XIRP1: variants seen among roughly 807,000 people sequenced by gnomAD.
XIRP1 encodes xin actin binding repeat containing 1, also known as xin actin-binding repeat-containing protein 1.
For synonymous variants in XIRP1, 984 were observed against 947.0 expected (o/e 1.04, Z -0.72); for missense variants, 2,378 against 2,345.4 (o/e 1.01, Z -0.29).
Position 39,184,161 on chromosome 3 carries a change from T to C in XIRP1, c.5285A>G (p.Tyr1762Cys), listed in dbSNP as rs753076475. Residue 1762 changes from tyrosine (Y) to cysteine (C), a missense_variant, in exon 2 of 2, where the codon TAT becomes TGT. By Grantham distance (194) the Tyr-to-Cys change is radical (BLOSUM62 -2). Coordinates refer to ENST00000340369, the MANE Select transcript of XIRP1 (RefSeq NM_194293.4). ...TTCAGTCACGGTTCTCATGGCTCCATAGTGTTGTGAGCTCCCTGGCCCCGT... is the reference window on the plus strand; with the variant it reads ...TTCAGTCACGGTTCTCATGGCTCCACAGTGTTGTGAGCTCCCTGGCCCCGT... Reference protein sequence around the residue: ...LQTGPGSSQHYGAMRTVTEQY... With the variant: ...LQTGPGSSQHCGAMRTVTEQY... 3 of 1,613,942 alleles carry C rather than the reference T, an allele frequency of 1.9e-6. No individual in the cohort carries two copies.
In XIRP1 at chr3:39,187,146, T is replaced by C; in HGVS notation, c.2300A>G (p.Gln767Arg). The C allele has an allele frequency of 1.2e-6, 2 of 1,611,142 alleles. No homozygotes were observed. Among genetic ancestry groups the C allele is most frequent in the Non-Finnish European group, 1.7e-6 (2 of 1,177,556 alleles). The change falls in exon 2 of 2, where the codon CAG becomes CGG. Residue 767 changes from glutamine (Q) to arginine (R), a missense_variant. Physicochemically the swap from Gln to Arg is conservative, Grantham distance 43. Coordinates refer to ENST00000340369, the MANE Select transcript of XIRP1 (RefSeq NM_194293.4). ...CAGGGTCCCCTCAGCTGCAGTCTCC[T>C]GGCTCTCTTGCATCCTGTTGCCTGA... ...SPSGNRMQES[Q>R]ETAAEGTLRT...
rs753548299 is a variant in XIRP1, at chr3:39,184,604, C to T, written c.4842G>A (p.Lys1614=). 23 of 1,613,624 alleles carry T rather than the reference C, an allele frequency of 1.4e-5. No homozygotes were observed. In the South Asian group the frequency reaches 1.8e-4, roughly 12 times the overall value. ...GGQTAVKNQA[K]VECHTEAQSQ... ...TCTGGGCCTCAGTGTGGCATTCAAC[C>T]TTGGCTTGGTTCTTGACTGCAGTTT... Residue 1614 remains lysine, a synonymous_variant, in exon 2 of 2, where the codon AAG becomes AAA. Transcript: ENST00000340369.
At position 39,186,501 on chromosome 3, in the gene XIRP1, A is replaced by G. The variant is rs1427924124; in HGVS notation, c.2945T>C (p.Met982Thr). Residue 982 changes from methionine (M) to threonine (T), a missense_variant, in exon 2 of 2, where the codon ATG (methionine) becomes ACG (threonine). By Grantham distance (81) the Met-to-Thr change is moderately conservative (BLOSUM62 -1). Transcript: ENST00000340369. ...GGCCCCTGAGGCTCTCAGATGCCCCATCCCCATGCTGGGGTCCAGTGGGGG... is the reference window on the plus strand; with the variant it reads ...GGCCCCTGAGGCTCTCAGATGCCCCGTCCCCATGCTGGGGTCCAGTGGGGG... ...HVPPLDPSMG[M>T]GHLRASGATP... The G allele has an allele frequency of 1.2e-6, 2 of 1,613,136 alleles. No individual in the cohort carries two copies. The highest frequency in any genetic ancestry group is 1.7e-6 in the Non-Finnish European group (2 of 1,179,642).
At position 39,183,924 on chromosome 3, in the gene XIRP1, G is replaced by C; in HGVS notation, c.5522C>G (p.Ala1841Gly). ...VQVSCSYSQP[A>G]AQ Reference sequence around the variant, plus strand: ...GGGAGGCGGTGGGCCTCACTGGGCAGCTGGCTGGGAGTAGCTGCAGGACAC... The same window carrying C: ...GGGAGGCGGTGGGCCTCACTGGGCACCTGGCTGGGAGTAGCTGCAGGACAC... Residue 1841 changes from alanine to glycine, a missense_variant, in exon 2 of 2, where the codon GCT becomes GGT. By Grantham distance (60) the Ala-to-Gly change is moderately conservative. Coordinates refer to ENST00000340369, the MANE Select transcript of XIRP1 (RefSeq NM_194293.4). The C allele has an allele frequency of 2.5e-6, 4 of 1,610,150 alleles. No individual in the cohort carries two copies. Among genetic ancestry groups the C allele is most frequent in the Non-Finnish European group, 3.4e-6 (4 of 1,179,582 alleles).
chr3:39,188,918 C>T lies in XIRP1; in HGVS notation c.528G>A (p.Glu176=), dbSNP rs991701451. The change falls in exon 2 of 2, where the codon GAG becomes GAA. Residue 176 remains glutamate, a synonymous_variant. Coordinates refer to ENST00000340369, the MANE Select transcript of XIRP1 (RefSeq NM_194293.4). ...DELTGQAKEL[E]ATVREPAASG... ...TGGCTGCAGGCTCCCTCACAGTGGC[C>T]TCCAGTTCCTTGGCTTGCCCTGTCA... The T allele has an allele frequency of 2.5e-6, 4 of 1,613,392 alleles. No individual in the cohort carries two copies. The African/African-American group carries it at 5.3e-5, about 22-fold the overall frequency.
intron 1 of XIRP1, among the ~76,000 whole-genome samples, chr3:39,191,257 T>C (rs772857330): frequency 6.6e-6 from 1 of 152,152 alleles, no homozygotes; most frequent in African/African-American, 2.4e-5. Flanking sequence ...CCAATGAGGA[T>C]CCCCTGCCCA....
In XIRP1 at chr3:39,189,080, G is replaced by A. The variant is rs141747350; in HGVS notation, c.366C>T (p.Asp122=). 36 of 1,614,042 alleles carry A rather than the reference G, an allele frequency of 2.2e-5. No homozygotes were observed. The highest frequency in any genetic ancestry group is 6.7e-5 in the Admixed American group (4 of 60,014). The stretch of plus-strand genomic sequence containing the variant: ...CAAACTTGCGGGAGGTGGCCTGGAC[G>A]TCACCACACAGCACGGGCTCCTTGG... ...PAAKEPVLCG[D]VQATSRKFEE... The change falls in exon 2 of 2, where the codon GAC becomes GAT. Residue 122 remains aspartate (D), a synonymous_variant. Transcript: ENST00000340369.
chr3:39,184,218 C>G lies in XIRP1; in HGVS notation c.5228G>C (p.Arg1743Thr). 6.2e-7 allele frequency: 1 copy of G among 1,614,212 alleles called. No individual in the cohort carries two copies. Among genetic ancestry groups the G allele is most frequent in the Non-Finnish European group, 8.5e-7 (1 of 1,180,024 alleles). ...CTCCAGAACACTCTTTTGCCACCCT[C>G]TGGGCAGGGGACTGGCTGAGGGAGG... ...PAPPSASPLP[R>T]GWQKSVLELQ... The change falls in exon 2 of 2, where the codon AGA (arginine) becomes ACA (threonine). Residue 1743 changes from arginine (R) to threonine (T), a missense_variant. By Grantham distance (71) the Arg-to-Thr change is moderately conservative (BLOSUM62 -1). Transcript: ENST00000340369.
rs1326785251 is a variant in XIRP1, at chr3:39,183,542, G to A, written c.*372C>T. ...CTAATTAAAGAAATAAAAACTCTGG[G>A]TAGAGGGACACTCTGGGGGGCTCCA... On this transcript the variant is annotated 3_prime_UTR_variant, in exon 2 of 2. Coordinates refer to ENST00000340369, the MANE Select transcript of XIRP1 (RefSeq NM_194293.4). 2.3e-5 allele frequency: 5 copies of A among 217,018 alleles called. No individual in the cohort carries two copies. The highest frequency in any genetic ancestry group is 4.6e-5 in the Non-Finnish European group (5 of 109,626). The allele number at this position is 217,018 out of a possible 1,614,324, so 13.4% of individuals were successfully genotyped here.
In XIRP1 at chr3:39,185,701, G is replaced by A. The variant is rs1285210972; in HGVS notation, c.3745C>T (p.Pro1249Ser). 3.7e-6 allele frequency: 6 copies of A among 1,612,020 alleles called. 1 individual carries two copies. Among genetic ancestry groups the A allele is most frequent in the South Asian group, 3.3e-5 (3 of 90,768 alleles). ...GPQAAGASPH[P>S]HNAFVPPPPT... Reference sequence around the variant, plus strand: ...GGAGGAGGAACAAAGGCATTATGGGGGTGCGGGCTGGCACCTGCAGCTTGG... The same window carrying A: ...GGAGGAGGAACAAAGGCATTATGGGAGTGCGGGCTGGCACCTGCAGCTTGG... Residue 1249 changes from proline to serine, a missense_variant, in exon 2 of 2, where the codon CCC becomes TCC. Physicochemically the swap from Pro to Ser is moderately conservative, Grantham distance 74. Coordinates refer to ENST00000340369, the MANE Select transcript of XIRP1 (RefSeq NM_194293.4).
chr3:39,189,846 TCA>T (rs1460336854), intron 1 of XIRP1, among the ~76,000 whole-genome samples: 1 of 152,182 alleles, frequency 6.6e-6, no homozygotes, highest in Non-Finnish European at 1.5e-5. Flanking sequence ...TTGTTAAAAA[TCA>T]GTGTTTCCCT....
In XIRP1 at chr3:39,186,735, AG is replaced by A; in HGVS notation, c.2710del (p.Leu904TrpfsTer4). On this transcript the variant is annotated frameshift_variant, in exon 2 of 2. Coordinates refer to ENST00000340369, the MANE Select transcript of XIRP1 (RefSeq NM_194293.4). LOFTEE classifies it low-confidence loss of function (END_TRUNC). The stretch of plus-strand genomic sequence containing the variant: ...CAGAGAGTAGGCAGTCAGTGCGACC[AG>A]GCCCTGCTCTGTCTCCTGCATCACC... ...GLVMQETEQG[L>X]VALTAYSLQP... 1 of 1,614,016 alleles carries A rather than the reference AG, an allele frequency of 6.2e-7. No individual in the cohort carries two copies. Among genetic ancestry groups the A allele is most frequent in the Non-Finnish European group, 8.5e-7 (1 of 1,180,044 alleles).
In XIRP1 at chr3:39,186,044, C is replaced by G. The variant is rs575108313; in HGVS notation, c.3402G>C (p.Gly1134=). 2 of 1,613,788 alleles carry G rather than the reference C, an allele frequency of 1.2e-6. No homozygotes were observed. The highest frequency in any genetic ancestry group is 8.5e-7 in the Non-Finnish European group (1 of 1,179,904). Reference sequence around the variant, plus strand: ...AGATGCCATCCTGAATTGTCACCCACCCCCCAGGCAGCCCTCTGGGTAGTG... The same window carrying G: ...AGATGCCATCCTGAATTGTCACCCAGCCCCCAGGCAGCCCTCTGGGTAGTG... ...EQALPRGLPG[G]WVTIQDGIYT... The change falls in exon 2 of 2, where the codon GGG becomes GGC. Residue 1134 remains glycine (G), a synonymous_variant. Coordinates refer to ENST00000340369, the MANE Select transcript of XIRP1 (RefSeq NM_194293.4).
At position 39,183,913 on chromosome 3, in the gene XIRP1, C is replaced by A; in HGVS notation, c.*1G>T. 1 of 1,608,386 alleles carries A rather than the reference C, an allele frequency of 6.2e-7. No individual in the cohort carries two copies. The highest frequency in any genetic ancestry group is 2.2e-5 in the East Asian group (1 of 44,858). Reference sequence around the variant, plus strand: ...GCAGGTGTGGTGGGAGGCGGTGGGCCTCACTGGGCAGCTGGCTGGGAGTAG... The same window carrying A: ...GCAGGTGTGGTGGGAGGCGGTGGGCATCACTGGGCAGCTGGCTGGGAGTAG... On this transcript the variant is annotated 3_prime_UTR_variant, in exon 2 of 2. Coordinates refer to ENST00000340369, the MANE Select transcript of XIRP1 (RefSeq NM_194293.4).
In XIRP1 at chr3:39,184,824, T is replaced by A; in HGVS notation, c.4622A>T (p.Glu1541Val). 6.2e-7 allele frequency: 1 copy of A among 1,613,956 alleles called. No individual in the cohort carries two copies. Among genetic ancestry groups the A allele is most frequent in the Non-Finnish European group, 8.5e-7 (1 of 1,179,792 alleles). ...RVSTEVAQLK[E>V]QTLARLLDIE... ...GTCCAGCAGCCTTGCCAAGGTCTGT[T>A]CCTTCAGTTGAGCAACTTCCGTGCT... is the stretch of plus-strand genomic sequence containing the variant. Residue 1541 changes from glutamate (E) to valine (V), a missense_variant, in exon 2 of 2, where the codon GAA (glutamate) becomes GTA (valine). Glu to Val is a moderately radical substitution (Grantham distance 121). Transcript: ENST00000340369.
At position 39,185,893 on chromosome 3, in the gene XIRP1, G is replaced by T; in HGVS notation, c.3553C>A (p.Pro1185Thr). ...CGCCCTGGCCCAGTACTCTGACCTG[G>T]GCCTCCCTGGAGTGGGCGGGGAGCC... ...VQAPRPLQGG[P>T]GQSTGPGREE... Residue 1185 changes from proline (P) to threonine (T), a missense_variant, in exon 2 of 2, where the codon CCA (proline) becomes ACA (threonine). Pro to Thr is a conservative substitution (Grantham distance 38). Transcript: ENST00000340369. The T allele has an allele frequency of 6.2e-7, 1 of 1,613,564 alleles. No individual in the cohort carries two copies.
chr3:39,188,526 G>A lies in XIRP1; in HGVS notation c.920C>T (p.Thr307Ile), dbSNP rs1296978426. 3 of 1,609,706 alleles carry A rather than the reference G, an allele frequency of 1.9e-6. No individual in the cohort carries two copies. Among genetic ancestry groups the A allele is most frequent in the Admixed American group, 1.7e-5 (1 of 59,930 alleles). ...EEGARPDVSA[T>I]RWIFETQPLD... is the part of the protein sequence containing the mutation. ...GGGCTGTGTCTCAAAGATCCAGCGA[G>A]TTGCACTGACGTCGGGCCGGGCCCC... The change falls in exon 2 of 2, where the codon ACT (threonine) becomes ATT (isoleucine). Residue 307 changes from threonine (T) to isoleucine (I), a missense_variant. Coordinates refer to ENST00000340369, the MANE Select transcript of XIRP1 (RefSeq NM_194293.4).
chr3:39,184,642 C>T lies in XIRP1; in HGVS notation c.4804G>A (p.Glu1602Lys). 2 of 1,613,902 alleles carry T rather than the reference C, an allele frequency of 1.2e-6. No homozygotes were observed. The highest frequency in any genetic ancestry group is 2.2e-5 in the East Asian group (1 of 44,854). ...TTGACTGCAGTTTGACCTCCGACCTCCTGGCCTGAGCCACTGGGCCTGGCG... is the reference window on the plus strand; with the variant it reads ...TTGACTGCAGTTTGACCTCCGACCTTCTGGCCTGAGCCACTGGGCCTGGCG... ...SSARPSGSGQ[E>K]VGGQTAVKNQ... The change falls in exon 2 of 2, where the codon GAG becomes AAG. Residue 1602 changes from glutamate to lysine, a missense_variant. By Grantham distance (56) the Glu-to-Lys change is moderately conservative. Coordinates refer to ENST00000340369, the MANE Select transcript of XIRP1 (RefSeq NM_194293.4).
In XIRP1 at chr3:39,184,645, G is replaced by C. The variant is rs748328887; in HGVS notation, c.4801C>G (p.Gln1601Glu). The change falls in exon 2 of 2, where the codon CAG (glutamine) becomes GAG (glutamate). Residue 1601 changes from glutamine (Q) to glutamate (E), a missense_variant. By Grantham distance (29) the Gln-to-Glu change is conservative. Coordinates refer to ENST00000340369, the MANE Select transcript of XIRP1 (RefSeq NM_194293.4). ...SSSARPSGSG[Q>E]EVGGQTAVKN... The stretch of plus-strand genomic sequence containing the variant: ...ACTGCAGTTTGACCTCCGACCTCCT[G>C]GCCTGAGCCACTGGGCCTGGCGCTA... 1.2e-6 allele frequency: 2 copies of C among 1,613,840 alleles called. No individual in the cohort carries two copies. Among genetic ancestry groups the C allele is most frequent in the Non-Finnish European group, 1.7e-6 (2 of 1,179,856 alleles).
Sources: allele counts gnomAD v4.1 joint callset (sites outside exome capture counted in the v4.1 genomes callset), GRCh38; gene constraint gnomAD v4.1.1; transcripts MANE v1.5; gene names NCBI Gene and HGNC (gene_info 2026-07-23, HGNC 2026-07-21).